OR4K1: variants seen among roughly 807,000 people sequenced by gnomAD.
OR4K1 encodes olfactory receptor family 4 subfamily K member 1.
In OR4K1, 16 loss-of-function variants were observed where a neutral mutation model predicts 14.4. The ratio of observed to expected loss-of-function variants is 1.11; its 90% CI spans 0.75 to 1.68. OR4K1 has a LOEUF of 1.68. OR4K1 is among the 40% of genes most tolerant of loss of function. The pLI is 0.00. For missense variants in OR4K1, 548 were observed against 376.9 expected, an observed-to-expected ratio of 1.45 and a Z score of -3.76; for synonymous variants, 181 against 133.1, an observed-to-expected ratio of 1.36 and a Z score of -2.48.
chr14:19,930,356 T>C (rs1343362155), upstream of OR4K1, among the ~76,000 whole-genome samples: 1 of 152,228 alleles, frequency 6.6e-6, no homozygotes. Context: ...TGTGGAGATC[T>C]AGAAAACTTA....
chr14:19,929,392 T>A (rs922265686), upstream of OR4K1, among the ~76,000 whole-genome samples: 1 of 144,020 alleles, frequency 6.9e-6, no homozygotes. Flanking sequence ...TGTGTGTGTG[T>A]GTGTGTGTGT....
upstream of OR4K1, among the ~76,000 whole-genome samples, chr14:19,926,943 A>G (rs72665675): frequency 0.2 from 30,570 of 149,444 alleles, 1,762 homozygotes; most frequent in African/African-American, 0.29. Flanking sequence ...CTTATCAGGG[A>G]CTAAGTACCT....
chr14:19,932,573 GTC>G (rs1241579721), intron 1 of OR4K1, among the ~76,000 whole-genome samples: 1 of 152,224 alleles, frequency 6.6e-6, no homozygotes, highest in Non-Finnish European at 1.5e-5. Context: ...ATCCAAGACT[GTC>G]CCACTTTAGA....
upstream of OR4K1, among the ~76,000 whole-genome samples, chr14:19,928,863 A>G (rs950100951): frequency 6.6e-6 from 1 of 152,106 alleles, no homozygotes; most frequent in Non-Finnish European, 1.5e-5. Flanking sequence ...TTTAATTACT[A>G]ATAATATTTT....
intron 1 of OR4K1, among the ~76,000 whole-genome samples, chr14:19,932,940 T>C (rs1275195040): frequency 2.0e-5 from 3 of 150,854 alleles, no homozygotes; most frequent in African/African-American, 4.8e-5. Flanking sequence ...GAAAATGTGC[T>C]TTATATAAAA....
chr14:19,929,594 T>G (rs1229597910), upstream of OR4K1, among the ~76,000 whole-genome samples: 2 of 152,214 alleles, frequency 1.3e-5, no homozygotes, highest in Non-Finnish European at 2.9e-5. Flanking sequence ...GGTTATTTTA[T>G]GCAATCAAAA....
At chr14:19,934,188 T>C (rs1470959230) in intron 1 of OR4K1, among the ~76,000 whole-genome samples, 4 of 152,246 alleles carry the variant, frequency 2.6e-5, no homozygotes, top group Non-Finnish European at 1.5e-5. Flanking sequence ...TACTGTTGGA[T>C]ACACAGAGCT....
chr14:19,921,337 T>C, the OR4K1 span: 1 of 1,614,200 alleles, frequency 6.2e-7, no homozygotes. Flanking sequence ...GCTTCCCATA[T>C]TGCAGTAGTA....
At chr14:19,920,676 C>A in the OR4K1 span, 1 of 1,613,920 alleles carries the variant, frequency 6.2e-7, no homozygotes, top group Non-Finnish European at 8.5e-7. Context: ...TCAAAAACTC[C>A]AGCTTTTCTA....
chr14:19,921,438 T>A, the OR4K1 span: 1 of 1,614,154 alleles, frequency 6.2e-7, no homozygotes, highest in Admixed American at 1.7e-5. Flanking sequence ...TTACACTGTT[T>A]TCACCCCCGT....
chr14:19,927,680 G>T (rs532409812), upstream of OR4K1, among the ~76,000 whole-genome samples: 1 of 152,188 alleles, frequency 6.6e-6, no homozygotes, highest in Admixed American at 6.6e-5. Context: ...GTGCCATTCT[G>T]CAGAAAGACC....
the OR4K1 span, among the ~76,000 whole-genome samples, chr14:19,923,207 T>G: frequency 3.9e-5 from 6 of 152,356 alleles, no homozygotes; most frequent in African/African-American, 1.4e-4. Flanking sequence ...CTCTCTTACA[T>G]TTTCAGCTTC....
the OR4K1 span, among the ~76,000 whole-genome samples, chr14:19,925,787 C>A: frequency 6.6e-6 from 1 of 152,200 alleles, no homozygotes; most frequent in Non-Finnish European, 1.5e-5. Flanking sequence ...AAAAGGCCAA[C>A]GGGATAAAGG....
the OR4K1 span, chr14:19,921,705 CA>C: frequency 5.1e-5 from 53 of 1,041,892 alleles, no homozygotes; most frequent in Non-Finnish European, 6.8e-5. Flanking sequence ...TGAATATTAA[CA>C]AGTCTTTTTC....
At chr14:19,923,450 G>T in the OR4K1 span, among the ~76,000 whole-genome samples, 1 of 152,092 alleles carries the variant, frequency 6.6e-6, no homozygotes, top group African/African-American at 2.4e-5. Flanking sequence ...ATTATTTCAG[G>T]ATTTTGTTGT....
chr14:19,932,353 C>G (rs1320394384), intron 1 of OR4K1, among the ~76,000 whole-genome samples: 3 of 152,098 alleles, frequency 2.0e-5, no homozygotes, highest in Admixed American at 1.3e-4. Flanking sequence ...TCCTCCTCCT[C>G]CTCTTGCTCC....
the OR4K1 span, chr14:19,921,373 T>G: frequency 6.2e-7 from 1 of 1,614,192 alleles, no homozygotes; most frequent in Non-Finnish European, 8.5e-7. Flanking sequence ...CCTTGCATCT[T>G]CATCTATGTG....
chr14:19,929,758 T>C (rs969881546), upstream of OR4K1, among the ~76,000 whole-genome samples: 119 of 152,332 alleles, frequency 7.8e-4, 1 homozygote, highest in African/African-American at 2.8e-3. Context: ...ATTATGCTTG[T>C]CTGGTAAAAA....
the OR4K1 span, among the ~76,000 whole-genome samples, chr14:19,922,654 T>C: frequency 1.4e-5 from 1 of 72,852 alleles, no homozygotes; most frequent in Admixed American, 1.2e-4. Context: ...TTACATGTAC[T>C]CTTTTTTTTT....
Sources: allele counts gnomAD v4.1 joint callset (sites outside exome capture counted in the v4.1 genomes callset), GRCh38; gene constraint gnomAD v4.1.1; transcripts MANE v1.5; gene names NCBI Gene and HGNC (gene_info 2026-07-23, HGNC 2026-07-21).